CPNE4: variants seen among roughly 807,000 people sequenced by gnomAD.
CPNE4 encodes copine-4.
In CPNE4, 25 loss-of-function variants were observed where a neutral mutation model predicts 67.9. The observed-to-expected ratio is 0.37, with a 90% confidence interval of 0.27 to 0.51. CPNE4 has a LOEUF of 0.51. Among genes scored for constraint, CPNE4 ranks in the 20% least tolerant of loss-of-function variants. The pLI, the probability that CPNE4 is intolerant of heterozygous loss-of-function variation, is 0.93. For missense variants in CPNE4, 464 were observed against 690.8 expected, an observed-to-expected ratio of 0.67 and a Z score of 3.68; for synonymous variants, 242 against 244.9, an observed-to-expected ratio of 0.99 and a Z score of 0.11.
chr3:131,716,686 C>A (rs1366946833), intron 3 of CPNE4, among the ~76,000 whole-genome samples: 1 of 152,216 alleles, frequency 6.6e-6, no homozygotes, highest in Non-Finnish European at 1.5e-5. Context: ...CCGAGTGCTC[C>A]CTCCATGCCG....
rs566568546 is a variant in CPNE4 at position 131,865,314 on chromosome 3, C to T, written c.180+39950G>A. On this transcript the variant is annotated intron_variant, in intron 2 of 15. Coordinates refer to ENST00000429747, the MANE Select transcript of CPNE4 (RefSeq NM_130808.3). The stretch of plus-strand genomic sequence containing the variant: ...TCCTCCTTGTACCTCTGGTAGAATT[C>T]GGCTGTGAATCCATCTGGTCCTAGA... Among the ~76,000 whole-genome samples the T allele has an allele frequency of 1.8e-4, 27 of 152,148 alleles. No homozygotes were observed. In the South Asian group the frequency reaches 3.5e-3, roughly 20 times the overall value.
At chr3:131,612,640 C>T (rs1020039187) in intron 7 of CPNE4, among the ~76,000 whole-genome samples, 7 of 152,144 alleles carry the variant, frequency 4.6e-5, no homozygotes, top group African/African-American at 7.2e-5. Context: ...ATTCATCCCC[C>T]GATTACTCCC....
At chr3:131,817,770 A>C (rs2084801634) in intron 2 of CPNE4, among the ~76,000 whole-genome samples, 1 of 152,246 alleles carries the variant, frequency 6.6e-6, no homozygotes, top group African/African-American at 2.4e-5. Flanking sequence ...GGCAGAAGTT[A>C]CAGAGAGACG....
rs1485822820 is a variant in CPNE4, at chr3:131,625,130, C to T, written c.682-37548G>A. ...CACCTTGCCAGGGTCTCATATATAA[C>T]TTATCCAACTCCTCCTTTTCTTATC... is the stretch of plus-strand genomic sequence containing the variant. On this transcript the variant is annotated intron_variant, in intron 7 of 15. Transcript: ENST00000429747. Among the ~76,000 whole-genome samples the T allele has an allele frequency of 2.0e-5, 3 of 152,102 alleles. No homozygotes were observed. In the East Asian group the frequency reaches 5.8e-4, roughly 29 times the overall value.
At chr3:131,869,037 C>T (rs1444572636) in intron 2 of CPNE4, among the ~76,000 whole-genome samples, 1 of 152,122 alleles carries the variant, frequency 6.6e-6, no homozygotes, top group Admixed American at 6.5e-5. Flanking sequence ...AGGTGCATTT[C>T]AAAGCCTTTA....
intron 2 of CPNE4, among the ~76,000 whole-genome samples, chr3:131,780,408 C>T (rs1361713235): frequency 6.6e-6 from 1 of 152,018 alleles, no homozygotes; most frequent in African/African-American, 2.4e-5. Flanking sequence ...TTCACAATAG[C>T]AAAGACATGG....
intron 1 of CPNE4, among the ~76,000 whole-genome samples, chr3:132,030,408 T>C (rs1188517353): frequency 6.6e-6 from 1 of 152,218 alleles, no homozygotes; most frequent in African/African-American, 2.4e-5. Context: ...GACAATGACT[T>C]TGTACAAATT....
intron 2 of CPNE4, among the ~76,000 whole-genome samples, chr3:131,823,476 A>G (rs58993948): frequency 0.032 from 4,821 of 152,290 alleles, 182 homozygotes; most frequent in South Asian, 0.094. Context: ...CCATCACCAC[A>G]AGTTGATGGG....
intron 1 of CPNE4, among the ~76,000 whole-genome samples, chr3:132,027,804 C>A (rs2141569): frequency 0.93 from 141,499 of 152,312 alleles, 66,011 homozygotes; most frequent in African/African-American, 0.98. Flanking sequence ...CTACTAACAT[C>A]TTAAAAGCCT....
intron 7 of CPNE4, among the ~76,000 whole-genome samples, chr3:131,598,848 CA>C (rs1437715454): frequency 0.011 from 1,134 of 103,740 alleles, 78 homozygotes; most frequent in African/African-American, 0.066. Context: ...ATTGTCCCCC[CA>C]CCCCCCCGCC....
intron 1 of CPNE4, among the ~76,000 whole-genome samples, chr3:131,980,911 T>C (rs911438917): frequency 6.6e-6 from 1 of 152,174 alleles, no homozygotes; most frequent in South Asian, 2.1e-4. Flanking sequence ...TCTCCCCCTT[T>C]TCCTATGGAT....
intron 1 of CPNE4, among the ~76,000 whole-genome samples, chr3:132,034,192 A>G (rs1376945373): frequency 6.6e-6 from 1 of 150,938 alleles, no homozygotes; most frequent in African/African-American, 2.4e-5. Context: ...TTCAGCCAGA[A>G]CTCCCTTCCC....
At chr3:131,599,790 G>T (rs1385851095) in intron 7 of CPNE4, among the ~76,000 whole-genome samples, 1 of 152,120 alleles carries the variant, frequency 6.6e-6, no homozygotes, top group African/African-American at 2.4e-5. Flanking sequence ...ATGCTGGAGG[G>T]GTGAGGCACA....
At chr3:131,656,900 G>C (rs536182223) in intron 7 of CPNE4, among the ~76,000 whole-genome samples, 1 of 152,274 alleles carries the variant, frequency 6.6e-6, no homozygotes, top group Admixed American at 6.5e-5. Context: ...GCAATGGAGA[G>C]GGACAGGTGG....
chr3:131,709,336 G>T (rs1364800446), intron 3 of CPNE4, among the ~76,000 whole-genome samples: 2 of 152,246 alleles, frequency 1.3e-5, no homozygotes, highest in African/African-American at 4.8e-5. Flanking sequence ...CGGAGGAAGA[G>T]CCTGGGATGC....
At chr3:131,721,894 C>G (rs2081896672) in intron 3 of CPNE4, among the ~76,000 whole-genome samples, 1 of 152,142 alleles carries the variant, frequency 6.6e-6, no homozygotes, top group African/African-American at 2.4e-5. Flanking sequence ...TTGTACCTGG[C>G]AAGATCCTTT....
intron 2 of CPNE4, among the ~76,000 whole-genome samples, chr3:131,875,199 A>G (rs2087386748): frequency 6.6e-6 from 1 of 152,198 alleles, no homozygotes; most frequent in Admixed American, 6.5e-5. Context: ...CACAGAAGGC[A>G]CTAAATAGAT....
chr3:131,996,966 G>T (rs2073310506), intron 1 of CPNE4, among the ~76,000 whole-genome samples: 1 of 151,998 alleles, frequency 6.6e-6, no homozygotes, highest in African/African-American at 2.4e-5. Context: ...ACAACACTGA[G>T]AACTCTTACA....
intron 5 of CPNE4, among the ~76,000 whole-genome samples, chr3:131,694,410 T>C (rs1346258780): frequency 6.6e-6 from 1 of 152,180 alleles, no homozygotes; most frequent in Non-Finnish European, 1.5e-5. Context: ...ACAAAAATAT[T>C]GTGGCAGTTT....
Sources: gnomAD v4.1 joint callset for allele counts (sites outside exome capture counted in the v4.1 genomes callset) on GRCh38, gnomAD v4.1.1 for gene constraint, MANE v1.5 for transcripts, NCBI Gene and HGNC (gene_info 2026-07-23, HGNC 2026-07-21) for gene names.